TNIK: variants seen among roughly 807,000 people sequenced by gnomAD.
The protein encoded by TNIK is TRAF2 and NCK interacting kinase.
A neutral mutation model predicts 191.3 loss-of-function variants in TNIK; 49 were observed. The observed-to-expected ratio is 0.26, with a 90% CI of 0.20 to 0.32. The LOEUF is 0.32. Ranked by LOEUF, TNIK falls within the 10% of genes least tolerant of loss-of-function variation. TNIK has a pLI of 1.00. For synonymous variants in TNIK, 594 were observed against 600.9 expected (o/e 0.99, Z 0.17); for missense variants, 1,155 against 1,702.3 (o/e 0.68, Z 5.66).
At chr3:171,183,549 T>A (rs1736945978) in intron 7 of TNIK, among the ~76,000 whole-genome samples, 4 of 152,196 alleles carry the variant, frequency 2.6e-5, no homozygotes. Flanking sequence ...AGAAGCAGAT[T>A]CTGGCTCAAC....
intron 2 of TNIK, among the ~76,000 whole-genome samples, chr3:171,263,381 A>G (rs943570989): frequency 2.0e-5 from 3 of 152,200 alleles, no homozygotes; most frequent in African/African-American, 7.2e-5. Flanking sequence ...AGAGCAGGTT[A>G]AGGAAGGGCA....
chr3:171,425,775 G>A (rs1724472700), intron 1 of TNIK, among the ~76,000 whole-genome samples: 1 of 151,178 alleles, frequency 6.6e-6, no homozygotes, highest in Non-Finnish European at 1.5e-5. Flanking sequence ...TTGCAGTGAG[G>A]GGAGATCACG....
chr3:171,378,896 A>C (rs1228237114), intron 1 of TNIK, among the ~76,000 whole-genome samples: 1 of 152,286 alleles, frequency 6.6e-6, no homozygotes, highest in South Asian at 2.1e-4. Flanking sequence ...ATGTCTTTTG[A>C]CTTCTAGTTT....
At chr3:171,402,903 C>A (rs1355904817) in intron 1 of TNIK, among the ~76,000 whole-genome samples, 5 of 152,086 alleles carry the variant, frequency 3.3e-5, no homozygotes, top group African/African-American at 9.7e-5. Context: ...ATTTTTCAAC[C>A]CAGAATTATT....
At chr3:171,123,171 A>G (rs375818822) in intron 18 of TNIK, among the ~76,000 whole-genome samples, 7 of 152,310 alleles carry the variant, frequency 4.6e-5, no homozygotes, top group African/African-American at 7.2e-5. Flanking sequence ...TAATGTCTCA[A>G]TGGTTCCCAG....
At chr3:171,221,112 G>T (rs775335849) in intron 3 of TNIK, among the ~76,000 whole-genome samples, 3 of 152,168 alleles carry the variant, frequency 2.0e-5, no homozygotes, top group Non-Finnish European at 4.4e-5. Flanking sequence ...ATAGCATACA[G>T]AATTGAAGCA....
At chr3:171,379,086 G>T (rs757536923) in intron 1 of TNIK, among the ~76,000 whole-genome samples, 1 of 152,202 alleles carries the variant, frequency 6.6e-6, no homozygotes, top group South Asian at 2.1e-4. Flanking sequence ...CAGAAATGAT[G>T]TAAGAAGATT....
intron 2 of TNIK, among the ~76,000 whole-genome samples, chr3:171,295,606 A>G (rs972810927): frequency 6.6e-6 from 1 of 152,210 alleles, no homozygotes; most frequent in African/African-American, 2.4e-5. Flanking sequence ...TCAATTAGGT[A>G]ACTTGAAAAA....
At chr3:171,326,985 C>T (rs1233148538) in intron 2 of TNIK, among the ~76,000 whole-genome samples, 2 of 152,162 alleles carry the variant, frequency 1.3e-5, no homozygotes, top group African/African-American at 4.8e-5. Flanking sequence ...CTGAAAACCC[C>T]TGCTGCCAAT....
At chr3:171,416,487 G>A (rs1467946942) in intron 1 of TNIK, among the ~76,000 whole-genome samples, 1 of 151,838 alleles carries the variant, frequency 6.6e-6, no homozygotes, top group African/African-American at 2.4e-5. Flanking sequence ...GATTGCAGGG[G>A]GAAGCTAGAA....
intron 2 of TNIK, among the ~76,000 whole-genome samples, chr3:171,265,937 T>C (rs944247046): frequency 6.6e-6 from 1 of 152,226 alleles, no homozygotes; most frequent in Admixed American, 6.5e-5. Context: ...CCATGGCTCC[T>C]GGGGTCCCCA....
intron 2 of TNIK, among the ~76,000 whole-genome samples, chr3:171,339,403 T>C (rs1757294278): frequency 6.6e-6 from 1 of 152,256 alleles, no homozygotes; most frequent in Admixed American, 6.5e-5. Flanking sequence ...TCCCTTTACC[T>C]GAGTCTATCT....
At chr3:171,329,943 GACTTTGAA>G (rs1181675160) in intron 2 of TNIK, among the ~76,000 whole-genome samples, 2 of 152,102 alleles carry the variant, frequency 1.3e-5, no homozygotes, top group Non-Finnish European at 2.9e-5. Flanking sequence ...CTTACAGTAC[GACTTTGAA>G]AATCTGTGCA....
chr3:171,175,397 C>G, intron 8 of TNIK, 67 bp from the exon 9 acceptor site: 4 of 1,419,216 alleles, frequency 2.8e-6, no homozygotes, highest in Non-Finnish European at 3.8e-6. Flanking sequence ...CCCGTCTTGG[C>G]TGTGCAGATA....
chr3:171,212,949 A>T (rs1741017230), intron 3 of TNIK, among the ~76,000 whole-genome samples: 1 of 152,342 alleles, frequency 6.6e-6, no homozygotes, highest in East Asian at 1.9e-4. Context: ...TGGCTTAACT[A>T]AGCTGAAGAC....
intron 9 of TNIK, among the ~76,000 whole-genome samples, chr3:171,170,822 G>A (rs1735183399): frequency 1.3e-5 from 2 of 152,168 alleles, no homozygotes; most frequent in South Asian, 2.1e-4. Flanking sequence ...AGGCTGAGAT[G>A]GATGGATTGC....
At chr3:171,268,212 C>T (rs1281114553) in intron 2 of TNIK, among the ~76,000 whole-genome samples, 1 of 152,152 alleles carries the variant, frequency 6.6e-6, no homozygotes, top group East Asian at 1.9e-4. Flanking sequence ...AACCAGGCCT[C>T]GACTTTTGGA....
chr3:171,344,140 C>A (rs939034789), intron 2 of TNIK, among the ~76,000 whole-genome samples: 3 of 152,188 alleles, frequency 2.0e-5, no homozygotes, highest in Admixed American at 6.6e-5. Flanking sequence ...CATCCCATAT[C>A]TTGCCCCTGT....
At chr3:171,320,473 T>A (rs1171271803) in intron 2 of TNIK, among the ~76,000 whole-genome samples, 1 of 152,206 alleles carries the variant, frequency 6.6e-6, no homozygotes, top group Non-Finnish European at 1.5e-5. Context: ...GAAAGAAATG[T>A]AATTGTGTTT....
Sources: allele counts gnomAD v4.1 joint callset (sites outside exome capture counted in the v4.1 genomes callset), GRCh38; gene constraint gnomAD v4.1.1; transcripts MANE v1.5; gene names NCBI Gene and HGNC (gene_info 2026-07-23, HGNC 2026-07-21).